Variants in TMPRSS15 observed in about 807,000 individuals in gnomAD.
The protein encoded by TMPRSS15 is transmembrane serine protease 15.
In TMPRSS15, 128 loss-of-function variants were observed where a neutral mutation model predicts 125.3. That is an observed-to-expected ratio of 1.02 (90% CI 0.89 to 1.18). The LOEUF is 1.18. Among genes scored for constraint, TMPRSS15 ranks in the 50% most tolerant of loss-of-function variants. The pLI, the probability that TMPRSS15 is intolerant of heterozygous loss-of-function variation, is 0.00. For synonymous variants in TMPRSS15, 446 were observed against 423.2 expected (o/e 1.05, Z -0.66); for missense variants, 1,283 against 1,212.7 (o/e 1.06, Z -0.86).
intron 1 of TMPRSS15, among the ~76,000 whole-genome samples, chr21:18,417,946 A>G (rs1313489931): frequency 1.3e-5 from 2 of 152,206 alleles, no homozygotes; most frequent in African/African-American, 4.8e-5. Flanking sequence ...CAGAAATGCT[A>G]TATCTGTTTC....
chr21:18,299,191 C>A (rs562705060), intron 18 of TMPRSS15, among the ~76,000 whole-genome samples: 1 of 152,256 alleles, frequency 6.6e-6, no homozygotes, highest in African/African-American at 2.4e-5. Context: ...GAAGGAAAAT[C>A]TCATTTAAAT....
rs74723633 is a variant in TMPRSS15 at position 18,385,556 on chromosome 21, A to G, written c.345-1778T>C. 9.4e-3 allele frequency among the ~76,000 whole-genome samples: 1,435 copies of G among 152,294 alleles called. 25 individuals are homozygous for G. Among genetic ancestry groups the G allele is most frequent in the African/African-American group, 0.031 (1,308 of 41,562 alleles). On this transcript the variant is annotated intron_variant, in intron 3 of 24. Transcript: ENST00000284885. ...AGATTACCACCCTTCGTTGTTGAACATTATTAGGTCTACATAATTTGCTGA... is the reference window on the plus strand; with the variant it reads ...AGATTACCACCCTTCGTTGTTGAACGTTATTAGGTCTACATAATTTGCTGA...
rs577346019 is a variant in TMPRSS15 at position 18,269,217 on chromosome 21, T to A, written c.*752A>T. On this transcript the variant is annotated 3_prime_UTR_variant, in exon 25 of 25. Coordinates refer to ENST00000284885, the MANE Select transcript of TMPRSS15 (RefSeq NM_002772.3). ...TTAGAAATATCCACTGTAACACACA[T>A]AAACCAAGACCAGGATTTGCAATAG... The A allele has an allele frequency of 1.3e-5, 2 of 152,348 alleles. No individual in the cohort carries two copies. Among genetic ancestry groups the A allele is most frequent in the East Asian group, 3.9e-4 (2 of 5,184 alleles). 9.4% of individuals were successfully genotyped at this position (152,348 alleles called of 1,614,324 possible).
At chr21:18,381,026 G>C (rs978437398) in intron 4 of TMPRSS15, among the ~76,000 whole-genome samples, 2 of 152,012 alleles carry the variant, frequency 1.3e-5, no homozygotes, top group Non-Finnish European at 2.9e-5. Context: ...TAAGTAAAAA[G>C]TGCTTTGCAC....
intron 5 of TMPRSS15, 102 bp from the exon 6 acceptor site, chr21:18,372,426 G>T: frequency 1.1e-6 from 1 of 932,788 alleles, no homozygotes; most frequent in Non-Finnish European, 1.7e-6. Context: ...TTATAAGTAT[G>T]TTCTTCAACT....
chr21:18,464,204 T>G (rs1219215270), intron 1 of TMPRSS15, among the ~76,000 whole-genome samples: 3 of 149,834 alleles, frequency 2.0e-5, no homozygotes, highest in Non-Finnish European at 4.4e-5. Flanking sequence ...AAAAGTTCTT[T>G]GAAACCCATG....
At chr21:18,324,753 A>G (rs2075272656) in intron 16 of TMPRSS15, among the ~76,000 whole-genome samples, 1 of 152,310 alleles carries the variant, frequency 6.6e-6, no homozygotes, top group East Asian at 1.9e-4. Context: ...CCAACATTAC[A>G]TAACCAAAGT....
intron 21 of TMPRSS15, among the ~76,000 whole-genome samples, chr21:18,281,603 T>C (rs1463863513): frequency 1.3e-5 from 2 of 152,096 alleles, no homozygotes; most frequent in East Asian, 3.9e-4. Flanking sequence ...AAAAAATACT[T>C]CTAAAATTAA....
At chr21:18,282,696 T>C (rs113955368) in intron 21 of TMPRSS15, among the ~76,000 whole-genome samples, 28 of 152,336 alleles carry the variant, frequency 1.8e-4, no homozygotes, top group African/African-American at 5.8e-4. Context: ...CCAAGTGCAA[T>C]ACCGAGAACT....
chr21:18,470,956 A>G (rs1195451767), intron 1 of TMPRSS15, among the ~76,000 whole-genome samples: 1 of 149,286 alleles, frequency 6.7e-6, no homozygotes, highest in African/African-American at 2.5e-5. Context: ...CTAGAAATAG[A>G]AAAATCACAA....
intron 1 of TMPRSS15, among the ~76,000 whole-genome samples, chr21:18,415,822 A>G (rs1389874888): frequency 6.6e-6 from 1 of 152,126 alleles, no homozygotes; most frequent in Admixed American, 6.5e-5. Flanking sequence ...AGAAAGAAAT[A>G]GAAGGAATCA....
In TMPRSS15 at chr21:18,359,108, C is replaced by T. The variant is rs182011123; in HGVS notation, c.880+649G>A. On this transcript the variant is annotated intron_variant, in intron 8 of 24. Transcript: ENST00000284885. Reference sequence around the variant, plus strand: ...CCCCGTGGAATTTTGCCCCTAATTTCACTGGTTACTGTGAATAGATCTGTG... The same window carrying T: ...CCCCGTGGAATTTTGCCCCTAATTTTACTGGTTACTGTGAATAGATCTGTG... 3.2e-3 allele frequency among the ~76,000 whole-genome samples: 485 copies of T among 152,146 alleles called. 3 individuals carry two copies. Among genetic ancestry groups the T allele is most frequent in the African/African-American group, 0.011 (453 of 41,532 alleles).
chr21:18,419,836 T>C (rs1382884661), intron 1 of TMPRSS15, among the ~76,000 whole-genome samples: 2 of 152,120 alleles, frequency 1.3e-5, no homozygotes, highest in Non-Finnish European at 2.9e-5. Context: ...CAGAATGTGA[T>C]TGGTTATGTC....
At position 18,275,281 on chromosome 21, in the gene TMPRSS15, T is replaced by A. The variant is rs747980933; in HGVS notation, c.2820A>T (p.Arg940Ser). ...EADVPLLSNE[R>S]CQQQMPEYNI... ...TATATTCTGGCATCTGCTGTTGGCA[T>A]CTCTCATTTGATAGAAGAGGAACAT... The change falls in exon 24 of 25, where the codon AGA (arginine) becomes AGT (serine). Residue 940 changes from arginine (R) to serine (S), a missense_variant. Physicochemically the swap from Arg to Ser is moderately radical, Grantham distance 110 (BLOSUM62 -1). Coordinates refer to ENST00000284885, the MANE Select transcript of TMPRSS15 (RefSeq NM_002772.3). The A allele has an allele frequency of 6.8e-6, 11 of 1,614,112 alleles. No individual in the cohort carries two copies. The highest frequency in any genetic ancestry group is 8.5e-6 in the Non-Finnish European group (10 of 1,179,994).
chr21:18,479,721 T>TA (rs1156427230), intron 1 of TMPRSS15, among the ~76,000 whole-genome samples: 1 of 151,952 alleles, frequency 6.6e-6, no homozygotes, highest in African/African-American at 2.4e-5. Flanking sequence ...TGGCGATCAT[T>TA]AAAAAGTCAG....
chr21:18,300,906 C>T (rs2074964936), intron 18 of TMPRSS15, among the ~76,000 whole-genome samples: 1 of 152,014 alleles, frequency 6.6e-6, no homozygotes, highest in Non-Finnish European at 1.5e-5. Flanking sequence ...TTTTCAAATG[C>T]TGCTCCAGGG....
intron 1 of TMPRSS15, among the ~76,000 whole-genome samples, chr21:18,422,305 T>G (rs1169399460): frequency 6.6e-6 from 1 of 152,080 alleles, no homozygotes; most frequent in Non-Finnish European, 1.5e-5. Flanking sequence ...AGTATTACTC[T>G]TAATGAAAAA....
intron 18 of TMPRSS15, among the ~76,000 whole-genome samples, chr21:18,307,810 T>C (rs888356259): frequency 3.3e-5 from 5 of 152,312 alleles, no homozygotes; most frequent in African/African-American, 1.2e-4. Flanking sequence ...AAAAAACTTC[T>C]GTCAAAGTAA....
At chr21:18,346,659 G>A (rs1004266089) in intron 10 of TMPRSS15, among the ~76,000 whole-genome samples, 1 of 152,092 alleles carries the variant, frequency 6.6e-6, no homozygotes, top group African/African-American at 2.4e-5. Flanking sequence ...CATGTCTGTT[G>A]CGCTATCTCA....
Sources: gnomAD v4.1 joint callset for allele counts (sites outside exome capture counted in the v4.1 genomes callset) on GRCh38, gnomAD v4.1.1 for gene constraint, MANE v1.5 for transcripts, NCBI Gene and HGNC (gene_info 2026-07-23, HGNC 2026-07-21) for gene names.